Variants in NELFCD observed in about 807,000 individuals in gnomAD.
The protein encoded by NELFCD is negative elongation factor C/D.
Under a neutral mutation model 72.9 loss-of-function variants are expected in NELFCD, and 48 were observed. The ratio of observed to expected loss-of-function variants is 0.66; its 90% CI spans 0.52 to 0.84. The LOEUF (loss-of-function observed/expected upper bound fraction) is 0.84, where lower values mean the gene tolerates loss of function less well. NELFCD is among the 40% of genes least tolerant of loss of function. The pLI, the probability that NELFCD is intolerant of heterozygous loss-of-function variation, is 0.00. For missense variants in NELFCD, 538 were observed against 723.8 expected (o/e 0.74, Z 2.94); for synonymous variants, 297 against 280.6 (o/e 1.06, Z -0.59).
At position 58,993,320 on chromosome 20, in the gene NELFCD, G is replaced by C. The variant is rs2091830960; in HGVS notation, c.1345-129G>C. 7.6e-6 allele frequency: 7 copies of C among 918,524 alleles called. No individual in the cohort carries two copies. The highest frequency in any genetic ancestry group is 1.2e-5 in the Non-Finnish European group (7 of 604,666). The allele number at this position is 918,524 out of a possible 1,614,324, so 56.9% of individuals were successfully genotyped here. On this transcript the variant is annotated intron_variant, in intron 11 of 14. Transcript: ENST00000652272. The surrounding 1 kb of genome is among the most constrained non-coding windows in gnomAD (Gnocchi z 5.0). ...AGTCAAGTGTTACTGGAAGCTGATG[G>C]CCCTGGCTTAGGTGTCAGGACCTTC...
chr20:58,990,834 GTATTA>G, intron 7 of NELFCD, 71 bp from the exon 8 acceptor site: 1 of 1,302,546 alleles, frequency 7.7e-7, no homozygotes, highest in Non-Finnish European at 1.1e-6. Context: ...ACAATGCAAA[GTATTA>G]TATGTGTAAA....
rs773053939 is a variant in NELFCD, at chr20:58,991,921, C to T, written c.1130C>T (p.Thr377Met). ...VSINKDELKS[T>M]SKAVETVHNL... ...ATCAATAAAGATGAGCTGAAGTCAA[C>T]GTCAAAAGCTGTCGAAACCGTTCAC... is the stretch of plus-strand genomic sequence containing the variant. Residue 377 changes from threonine to methionine, a missense_variant, in exon 10 of 15, where the codon ACG becomes ATG. Coordinates refer to ENST00000652272, the MANE Select transcript of NELFCD (RefSeq NM_198976.4). The T allele has an allele frequency of 5.6e-6, 9 of 1,614,024 alleles. No homozygotes were observed. The highest frequency in any genetic ancestry group is 1.6e-4 in the Middle Eastern group (1 of 6,084).
At position 58,987,849 on chromosome 20, in the gene NELFCD, G is replaced by T. The variant is rs752568037; in HGVS notation, c.396+32G>T. 9.0e-6 allele frequency: 14 copies of T among 1,557,818 alleles called. No homozygotes were observed. In the African/African-American group the frequency reaches 1.5e-4, roughly 17 times the overall value. The stretch of plus-strand genomic sequence containing the variant: ...AATTATTTTTCTTTGCCTAGTACCA[G>T]GCCCTAGGGTCTTTTGCAAATTCCC... On this transcript the variant is annotated intron_variant, in intron 4 of 14. Coordinates refer to ENST00000652272, the MANE Select transcript of NELFCD (RefSeq NM_198976.4).
At position 58,993,923 on chromosome 20, in the gene NELFCD, G is replaced by A; in HGVS notation, c.1581+159G>A. ...GTTTACCAAAAAGCACCTTCTGCCTGCAGCAGCTGTATGACACACTTTACC... is the reference window on the plus strand; with the variant it reads ...GTTTACCAAAAAGCACCTTCTGCCTACAGCAGCTGTATGACACACTTTACC... On this transcript the variant is annotated intron_variant, in intron 13 of 14. Transcript: ENST00000652272. This position sits in a 1 kb window ranked among gnomAD's most constrained non-coding sequence, Gnocchi z 5.0. The A allele has an allele frequency of 9.3e-7, 1 of 1,078,050 alleles. No homozygotes were observed. The highest frequency in any genetic ancestry group is 1.4e-6 in the Non-Finnish European group (1 of 734,674). 66.8% of individuals were successfully genotyped at this position (1,078,050 alleles called of 1,614,324 possible).
intron 9 of NELFCD, 53 bp from the exon 10 acceptor site, chr20:58,991,828 A>G (rs1019182142): frequency 2.0e-5 from 32 of 1,594,116 alleles, no homozygotes; most frequent in Non-Finnish European, 2.7e-5. Context: ...GAACACCCCG[A>G]CAGCAGGGAT....
chr20:58,991,948 AT>A lies in NELFCD; in HGVS notation c.1160del (p.Leu387CysfsTer12). ...TCAAAAGCTGTCGAAACCGTTCACA[AT>A]TTGTGTTGCAACGAGAACAAAGGGG... is the stretch of plus-strand genomic sequence containing the variant. ...STSKAVETVH[N>X]LCCNENKGAS... On this transcript the variant is annotated frameshift_variant, in exon 10 of 15. Transcript: ENST00000652272. LOFTEE classifies it high-confidence loss of function. 6.2e-7 allele frequency: 1 copy of A among 1,614,212 alleles called. No individual in the cohort carries two copies. Among genetic ancestry groups the A allele is most frequent in the Non-Finnish European group, 8.5e-7 (1 of 1,180,038 alleles).
intron 10 of NELFCD, 98 bp downstream of exon 10, chr20:58,992,118 A>T: frequency 8.0e-7 from 1 of 1,253,140 alleles, no homozygotes. Flanking sequence ...CTTCAGCGAT[A>T]CTTGTTCATT....
At position 58,986,098 on chromosome 20, in the gene NELFCD, G is replaced by T. The variant is rs200051352; in HGVS notation, c.66G>T (p.Glu22Asp). The T allele has an allele frequency of 1.9e-6, 3 of 1,610,606 alleles. No homozygotes were observed. The highest frequency in any genetic ancestry group is 2.5e-6 in the Non-Finnish European group (3 of 1,176,740). ...CTCTTCGCATTTACCAACAGCAGGA[G>T]GATGATTCTGGAGAAGGAGAGGATG... ...WGDEADGGQQ[E>D]DDSGEGEDDA... is the part of the protein sequence containing the mutation. The change falls in exon 2 of 15, where the codon GAG becomes GAT. Residue 22 changes from glutamate (E) to aspartate (D), a missense_variant. By Grantham distance (45) the Glu-to-Asp change is conservative. Coordinates refer to ENST00000652272, the MANE Select transcript of NELFCD (RefSeq NM_198976.4). This position sits in a 1 kb window ranked among gnomAD's most constrained non-coding sequence, Gnocchi z 4.4.
Position 58,993,795 on chromosome 20 carries a change from A to G in NELFCD, c.1581+31A>G. ...CAATGCACCGTTGGTTTCATGTTTCATACTGTTTACACTAGCACTGCCCTT... is the reference window on the plus strand; with the variant it reads ...CAATGCACCGTTGGTTTCATGTTTCGTACTGTTTACACTAGCACTGCCCTT... On this transcript the variant is annotated intron_variant, in intron 13 of 14. Transcript: ENST00000652272. This position sits in a 1 kb window ranked among gnomAD's most constrained non-coding sequence, Gnocchi z 5.0. 6.2e-7 allele frequency: 1 copy of G among 1,611,368 alleles called. No individual in the cohort carries two copies. Among genetic ancestry groups the G allele is most frequent in the Non-Finnish European group, 8.5e-7 (1 of 1,178,702 alleles).
chr20:58,988,792 G>A, intron 4 of NELFCD, 122 bp from the exon 5 acceptor site: 3 of 688,858 alleles, frequency 4.4e-6, no homozygotes, highest in Non-Finnish European at 2.5e-6. Context: ...GCCTCCCCCA[G>A]AACTAGATGC....
chr20:58,992,126 AT>A, intron 10 of NELFCD, 106 bp downstream of exon 10: 1 of 1,187,634 alleles, frequency 8.4e-7, no homozygotes, highest in Non-Finnish European at 1.2e-6. Context: ...ATACTTGTTC[AT>A]TTTATTTATT....
intron 4 of NELFCD, among the ~76,000 whole-genome samples, chr20:58,988,505 G>A (rs965902210): frequency 6.6e-6 from 1 of 152,250 alleles, no homozygotes; most frequent in Admixed American, 6.5e-5. Flanking sequence ...TCACATAGGA[G>A]AGCTGAGAGA....
intron 7 of NELFCD, 114 bp from the exon 8 acceptor site, chr20:58,990,796 C>A: frequency 1.1e-6 from 1 of 923,928 alleles, no homozygotes; most frequent in Non-Finnish European, 1.7e-6. Context: ...AGTCAGTATA[C>A]TCGTGAATGA....
At chr20:58,983,672 C>G (rs757675402) in intron 1 of NELFCD, among the ~76,000 whole-genome samples, 1 of 152,088 alleles carries the variant, frequency 6.6e-6, no homozygotes, top group South Asian at 2.1e-4. Flanking sequence ...GTAATCTGCC[C>G]GCCTCCGCCT....
chr20:58,989,981 C>CA lies in NELFCD; in HGVS notation c.782dup (p.Glu262GlyfsTer5). 1 of 1,612,764 alleles carries CA rather than the reference C, an allele frequency of 6.2e-7. No homozygotes were observed. The highest frequency in any genetic ancestry group is 8.5e-7 in the Non-Finnish European group (1 of 1,180,018). ...CGCCCAGGAAGTGCAGCGCTTTGCC[C>CA]AGGAGAAGTGAGAGGCCCTGTTTCT... On this transcript the variant is annotated frameshift_variant, in exon 7 of 15. Transcript: ENST00000652272. LOFTEE classifies it high-confidence loss of function.
Position 58,992,001 on chromosome 20 carries a change from A to C in NELFCD, c.1210A>C (p.Thr404Pro). The change falls in exon 10 of 15, where the codon ACA (threonine) becomes CCA (proline). Residue 404 changes from threonine to proline, a missense_variant. Thr to Pro is a conservative substitution (Grantham distance 38, BLOSUM62 -1). Coordinates refer to ENST00000652272, the MANE Select transcript of NELFCD (RefSeq NM_198976.4). ...CTCTGAACTAGTGGCAGAATTGAGC[A>C]CACTTTATCAGTGTATTAGGTAAGC... ...GASELVAELS[T>P]LYQCIRFPVV... 1 of 1,614,168 alleles carries C rather than the reference A, an allele frequency of 6.2e-7. No homozygotes were observed. Among genetic ancestry groups the C allele is most frequent in the African/African-American group, 1.3e-5 (1 of 75,050 alleles).
At position 58,989,849 on chromosome 20, in the gene NELFCD, A is replaced by G. The variant is rs199788954; in HGVS notation, c.658-9A>G. Reference sequence around the variant, plus strand: ...AAACCCTGCCCCCTCTCTCCCTGCAATCTTGCAGAAGATGGTGTGCCACGG... The same window carrying G: ...AAACCCTGCCCCCTCTCTCCCTGCAGTCTTGCAGAAGATGGTGTGCCACGG... On this transcript the variant is annotated splice_polypyrimidine_tract_variant and intron_variant, in intron 6 of 14. Transcript: ENST00000652272. 3 of 1,614,010 alleles carry G rather than the reference A, an allele frequency of 1.9e-6. No individual in the cohort carries two copies. The highest frequency in any genetic ancestry group is 2.2e-5 in the East Asian group (1 of 44,886).
chr20:58,983,568 G>A (rs2091752467), intron 1 of NELFCD, among the ~76,000 whole-genome samples: 1 of 151,848 alleles, frequency 6.6e-6, no homozygotes, highest in Non-Finnish European at 1.5e-5. Flanking sequence ...TGGAATTACA[G>A]GCCGGTGCCA....
chr20:58,983,965 AT>A (rs2091754704), intron 1 of NELFCD, among the ~76,000 whole-genome samples: 1 of 152,130 alleles, frequency 6.6e-6, no homozygotes, highest in Non-Finnish European at 1.5e-5. Flanking sequence ...CCAGACGTTC[AT>A]TTCATGTTTA....
Sources: gnomAD v4.1 joint callset for allele counts (sites outside exome capture counted in the v4.1 genomes callset) on GRCh38, gnomAD v4.1.1 for gene constraint, Gnocchi (gnomAD v3.1) non-coding constraint, MANE v1.5 for transcripts, NCBI Gene and HGNC (gene_info 2026-07-23, HGNC 2026-07-21) for gene names.